The following PDGFC variants were observed in gnomAD, a reference collection of about 807,000 sequenced individuals.
The protein encoded by PDGFC is platelet derived growth factor C, also known as platelet-derived growth factor C.
A neutral mutation model predicts 35.5 loss-of-function variants in PDGFC; 12 were observed. The observed-to-expected ratio is 0.34, with a 90% CI of 0.22 to 0.55. The LOEUF is 0.55. PDGFC is among the 20% of genes least tolerant of loss of function. The probability of loss-of-function intolerance (pLI) is 0.91; values close to 1 mark genes in which losing one functional copy is unlikely to be tolerated. For missense variants in PDGFC, 322 were observed against 412.4 expected, an observed-to-expected ratio of 0.78 and a Z score of 1.90; for synonymous variants, 159 against 148.8, an observed-to-expected ratio of 1.07 and a Z score of -0.50.
chr4:156,837,614 T>C (rs1010048931), intron 2 of PDGFC, among the ~76,000 whole-genome samples: 2 of 151,976 alleles, frequency 1.3e-5, no homozygotes. Context: ...ACACAAAAAA[T>C]GGCATTCCAA....
chr4:156,930,783 G>A (rs1391211320), intron 1 of PDGFC, among the ~76,000 whole-genome samples: 8 of 152,044 alleles, frequency 5.3e-5, no homozygotes, highest in Non-Finnish European at 8.8e-5. Context: ...CAGGAGGGTC[G>A]CTTGAACCAG....
At position 156,767,824 on chromosome 4, in the gene PDGFC, A is replaced by G. The variant is rs138781416; in HGVS notation, c.870T>C (p.Asn290=). The change falls in exon 5 of 6, where the codon AAT becomes AAC. Residue 290 remains asparagine, a synonymous_variant. Transcript: ENST00000502773. ...CGGNCACCLH[N]CNECQCVPSK... ...TTGGGACACATTGACATTCATTGCA[A>G]TTGTGGAGACAACAGGCACAGTTCC... The G allele has an allele frequency of 5.6e-6, 9 of 1,613,278 alleles. No homozygotes were observed. Among genetic ancestry groups the G allele is most frequent in the Middle Eastern group, 1.6e-4 (1 of 6,082 alleles).
intron 2 of PDGFC, among the ~76,000 whole-genome samples, chr4:156,819,650 G>A (rs1264149173): frequency 1.1e-4 from 17 of 152,284 alleles, no homozygotes; most frequent in East Asian, 5.8e-4. Flanking sequence ...GAAGATGTAC[G>A]TATAAGGAGA....
chr4:156,895,443 G>A (rs1730609337), intron 1 of PDGFC, among the ~76,000 whole-genome samples: 1 of 152,010 alleles, frequency 6.6e-6, no homozygotes, highest in Non-Finnish European at 1.5e-5. Context: ...GATCAGCCTG[G>A]CCAACATGGT....
chr4:156,823,089 C>G (rs1579033223), intron 2 of PDGFC, among the ~76,000 whole-genome samples: 3 of 152,056 alleles, frequency 2.0e-5, no homozygotes, highest in South Asian at 4.2e-4. Context: ...CAGGACAGAA[C>G]AAAGAATCAT....
intron 2 of PDGFC, among the ~76,000 whole-genome samples, chr4:156,816,518 C>T (rs1467230047): frequency 6.6e-6 from 1 of 152,062 alleles, no homozygotes; most frequent in Non-Finnish European, 1.5e-5. Context: ...TCCTATGTGA[C>T]AGACACTGTT....
rs1252331132 is a variant in PDGFC at position 156,762,377 on chromosome 4, C to A, written c.*713G>T. 1 of 152,472 alleles carries A rather than the reference C, an allele frequency of 6.6e-6. No individual in the cohort carries two copies. The highest frequency in any genetic ancestry group is 1.5e-5 in the Non-Finnish European group (1 of 68,012). 9.4% of individuals were successfully genotyped at this position (152,472 alleles called of 1,614,324 possible). A position where few individuals can be genotyped will look rare whatever the true frequency, so the allele number is the denominator to read the frequency against. ...GTCAAAAGGAGAATATAAAAATGTA[C>A]ACAATGAAACAAATAAACTGACTTA... On this transcript the variant is annotated 3_prime_UTR_variant, in exon 6 of 6. Transcript: ENST00000502773.
chr4:156,802,555 TACACACACACAC>T (rs3042776), intron 3 of PDGFC, among the ~76,000 whole-genome samples: 2 of 145,572 alleles, frequency 1.4e-5, no homozygotes, highest in African/African-American at 5.0e-5. Context: ...TACACACACA[TACACACACACAC>T]ACACACACAC....
chr4:156,954,883 T>C lies in PDGFC; in HGVS notation c.118+15903A>G, dbSNP rs189852266. On this transcript the variant is annotated intron_variant, in intron 1 of 5. Transcript: ENST00000502773. ...GCCAAGACTGCAGCAGAACAAGCTG[T>C]GTTGGGTCTAAGTGGGCTGTTTTCA... Among the ~76,000 whole-genome samples the C allele has an allele frequency of 1.4e-4, 21 of 152,136 alleles. No homozygotes were observed. The East Asian group carries it at 3.9e-3, about 28-fold the overall frequency.
At chr4:156,853,247 T>G (rs577580889) in intron 1 of PDGFC, among the ~76,000 whole-genome samples, 4 of 152,230 alleles carry the variant, frequency 2.6e-5, no homozygotes, top group Non-Finnish European at 5.9e-5. Context: ...AATCAAAATA[T>G]GTTAACATTA....
At position 156,848,465 on chromosome 4, in the gene PDGFC, G is replaced by A. The variant is rs149379890; in HGVS notation, c.314+1756C>T. On this transcript the variant is annotated intron_variant, in intron 2 of 5. Coordinates refer to ENST00000502773, the MANE Select transcript of PDGFC (RefSeq NM_016205.3). ...AAGGAGAACTGGAAACAAGTCAAAC[G>A]TTCCTCAAAGCAGAAGACACAAAAA... Among the ~76,000 whole-genome samples, 351 of 151,978 alleles carry A rather than the reference G, an allele frequency of 2.3e-3. 1 individual carries two copies. Among genetic ancestry groups the A allele is most frequent in the African/African-American group, 7.9e-3 (329 of 41,526 alleles).
At chr4:156,901,673 G>C (rs2110766572) in intron 1 of PDGFC, among the ~76,000 whole-genome samples, 1 of 152,022 alleles carries the variant, frequency 6.6e-6, no homozygotes, top group African/African-American at 2.4e-5. Context: ...CCAGGCTGGA[G>C]TGCCAGTGGC....
chr4:156,788,606 A>C (rs1211880014), intron 3 of PDGFC, among the ~76,000 whole-genome samples: 3 of 152,190 alleles, frequency 2.0e-5, no homozygotes, highest in African/African-American at 4.8e-5. Context: ...TTAGCCTCAA[A>C]GAAAGGGTAT....
chr4:156,932,020 T>C (rs1731561425), intron 1 of PDGFC, among the ~76,000 whole-genome samples: 6 of 152,162 alleles, frequency 3.9e-5, no homozygotes, highest in Admixed American at 3.3e-4. Context: ...AGCTCAAAGT[T>C]TTAGAAAATA....
intron 1 of PDGFC, among the ~76,000 whole-genome samples, chr4:156,893,595 C>T (rs1418457153): frequency 6.6e-6 from 1 of 151,588 alleles, no homozygotes. Flanking sequence ...CCTTGGCCTC[C>T]CAAAGTTGCT....
Position 156,772,850 on chromosome 4 carries a change from G to C in PDGFC, c.539C>G (p.Ala180Gly), listed in dbSNP as rs1420357324. 1 of 1,613,346 alleles carries C rather than the reference G, an allele frequency of 6.2e-7. No individual in the cohort carries two copies. Residue 180 changes from alanine to glycine, a missense_variant, in exon 4 of 6, where the codon GCT (alanine) becomes GGT (glycine). Ala to Gly is a moderately conservative substitution (Grantham distance 60). This residue lies in a region of PDGFC where 202 missense variants were observed against 295.9 expected (regional missense o/e 0.68). Transcript: ENST00000502773. ...AVSPSVLPPS[A>G]LPLDLLNNAI... is the part of the protein sequence containing the mutation. The stretch of plus-strand genomic sequence containing the variant: ...ATTATTAAGCAGGTCCAGTGGCAAA[G>C]CTGAAGGGGGTAGCACTGAAGGACT...
chr4:156,798,150 A>G (rs1299200304), intron 3 of PDGFC, among the ~76,000 whole-genome samples: 1 of 152,086 alleles, frequency 6.6e-6, no homozygotes, highest in Non-Finnish European at 1.5e-5. Flanking sequence ...CGAGATTGCA[A>G]CACTGCACTC....
intron 3 of PDGFC, among the ~76,000 whole-genome samples, chr4:156,804,270 T>C (rs979639027): frequency 2.0e-5 from 3 of 152,000 alleles, no homozygotes; most frequent in African/African-American, 7.2e-5. Flanking sequence ...AGTAATCGTA[T>C]TCTGATCAAA....
At chr4:156,959,096 C>G (rs191360523) in intron 1 of PDGFC, among the ~76,000 whole-genome samples, 2 of 152,082 alleles carry the variant, frequency 1.3e-5, no homozygotes, top group African/African-American at 4.8e-5. Context: ...TGAAAAGAAC[C>G]TAATGATACC....
Sources: gnomAD v4.1 joint callset for allele counts (sites outside exome capture counted in the v4.1 genomes callset) on GRCh38, gnomAD v4.1.1 for gene constraint, gnomAD v4.1.1 regional missense constraint, MANE v1.5 for transcripts, NCBI Gene and HGNC (gene_info 2026-07-23, HGNC 2026-07-21) for gene names.